The following PHKB variants were observed in gnomAD, a reference collection of about 807,000 sequenced individuals.
PHKB encodes phosphorylase b kinase regulatory subunit beta.
In PHKB, 122 loss-of-function variants were observed where a neutral mutation model predicts 152.1. The observed-to-expected ratio is 0.80, with a 90% CI of 0.69 to 0.93. The LOEUF is 0.93. Ranked by LOEUF, PHKB falls within the 40% of genes least tolerant of loss-of-function variation. PHKB has a pLI of 0.00. For missense variants in PHKB, 1,304 were observed against 1,328.4 expected, an observed-to-expected ratio of 0.98 and a Z score of 0.29; for synonymous variants, 436 against 464.9, an observed-to-expected ratio of 0.94 and a Z score of 0.80.
In PHKB at chr16:47,469,749, C is replaced by A. The variant is rs565698924; in HGVS notation, c.76+8323C>A. 1.9e-3 allele frequency among the ~76,000 whole-genome samples: 294 copies of A among 152,262 alleles called. 1 individual carries two copies. Among genetic ancestry groups the A allele is most frequent in the African/African-American group, 6.7e-3 (279 of 41,538 alleles). On this transcript the variant is annotated intron_variant, in intron 1 of 30. Coordinates refer to ENST00000323584, the MANE Select transcript of PHKB (RefSeq NM_000293.3). ...ACAAACTTGCACGTGTACCCCTAAA[C>A]CTAAAACAAAATTTGAAATTATTAG... is the stretch of plus-strand genomic sequence containing the variant.
intron 5 of PHKB, among the ~76,000 whole-genome samples, chr16:47,512,796 C>G (rs1359244122): frequency 6.6e-6 from 1 of 152,080 alleles, no homozygotes; most frequent in Non-Finnish European, 1.5e-5. Flanking sequence ...GGTTCTCTGT[C>G]TTTGGGACAG....
intron 13 of PHKB, among the ~76,000 whole-genome samples, chr16:47,606,928 A>C (rs1214447964): frequency 6.6e-6 from 1 of 152,218 alleles, no homozygotes; most frequent in Non-Finnish European, 1.5e-5. Flanking sequence ...AAAAGTTGCC[A>C]TAAGGAACTA....
chr16:47,565,060 G>A (rs566674055), intron 7 of PHKB: 20 of 439,686 alleles, frequency 4.5e-5, no homozygotes, highest in Admixed American at 3.7e-4. Flanking sequence ...GAAAGTAGGA[G>A]AAAGCACAGG....
chr16:47,558,083 A>G lies in PHKB; in HGVS notation c.710+10535A>G, dbSNP rs531533350. Among the ~76,000 whole-genome samples the G allele has an allele frequency of 2.4e-3, 361 of 151,404 alleles. 1 individual carries two copies. The highest frequency in any genetic ancestry group is 3.7e-3 in the Non-Finnish European group (252 of 67,808). On this transcript the variant is annotated intron_variant, in intron 7 of 30. Transcript: ENST00000323584. The stretch of plus-strand genomic sequence containing the variant: ...AAAATGATGAGTTCATGTCCTTTGT[A>G]GGGACATGGATGAAATTGGAAATCA...
At chr16:47,542,417 T>A (rs1011044353) in intron 6 of PHKB, among the ~76,000 whole-genome samples, 15 of 152,182 alleles carry the variant, frequency 9.9e-5, no homozygotes, top group Non-Finnish European at 2.2e-4. Context: ...GTAGTATAGT[T>A]TGAAGTCAGG....
chr16:47,587,640 G>A (rs1170731333), intron 8 of PHKB, 28 bp from the exon 9 acceptor site: 3 of 1,549,256 alleles, frequency 1.9e-6, no homozygotes, highest in African/African-American at 1.4e-5. Flanking sequence ...TCTTAATTTA[G>A]GAAATGTTTT....
At chr16:47,605,457 C>T (rs1972305316) in intron 13 of PHKB, among the ~76,000 whole-genome samples, 1 of 152,188 alleles carries the variant, frequency 6.6e-6, no homozygotes, top group Non-Finnish European at 1.5e-5. Flanking sequence ...CTTAATTTAT[C>T]TGTCACTATT....
Position 47,598,918 on chromosome 16 carries a change from G to A in PHKB, c.1363+2387G>A, listed in dbSNP as rs1431181361. 2.5e-6 allele frequency: 4 copies of A among 1,585,800 alleles called. No homozygotes were observed. In the African/African-American group the frequency reaches 4.0e-5, roughly 16 times the overall value. On this transcript the variant is annotated intron_variant, in intron 13 of 30. Coordinates refer to ENST00000323584, the MANE Select transcript of PHKB (RefSeq NM_000293.3). ...TTCCTCAAGAACGTCAAGAATCTTT[G>A]TGTACAATATTCTTAGCCTCTCATG...
At chr16:47,512,003 G>T (rs1424063999) in intron 5 of PHKB, among the ~76,000 whole-genome samples, 1 of 152,150 alleles carries the variant, frequency 6.6e-6, no homozygotes, top group Non-Finnish European at 1.5e-5. Context: ...AATAGGGTTT[G>T]CACTCCTCTG....
rs188245137 is a variant in PHKB at position 47,541,514 on chromosome 16, T to C, written c.595-5919T>C. ...TATAATCCTTTGGGAATATACCCAG[T>C]AATGGGATGGCTGGGTCAAATGGTA... On this transcript the variant is annotated intron_variant, in intron 6 of 30. Coordinates refer to ENST00000323584, the MANE Select transcript of PHKB (RefSeq NM_000293.3). 1.6e-3 allele frequency among the ~76,000 whole-genome samples: 247 copies of C among 152,370 alleles called. 1 individual carries two copies. Among genetic ancestry groups the C allele is most frequent in the African/African-American group, 5.7e-3 (238 of 41,592 alleles).
At chr16:47,666,781 C>A (rs1285858189) in intron 25 of PHKB, among the ~76,000 whole-genome samples, 1 of 152,218 alleles carries the variant, frequency 6.6e-6, no homozygotes, top group African/African-American at 2.4e-5. Flanking sequence ...TTGAGCCTTG[C>A]ATGTGGGGTG....
intron 7 of PHKB, among the ~76,000 whole-genome samples, chr16:47,552,800 A>AACACACACACACAC (rs61186489): frequency 1.4e-5 from 2 of 143,590 alleles, no homozygotes; most frequent in South Asian, 2.3e-4. Flanking sequence ...CCCCATCTCA[A>AACACACACACACAC]ACACACACAC....
At chr16:47,641,564 C>T (rs757464984) in intron 15 of PHKB, 35 bp from the exon 16 acceptor site, 2 of 1,079,408 alleles carry the variant, frequency 1.9e-6, no homozygotes, top group African/African-American at 3.1e-5. Context: ...AATGCATTGT[C>T]TTAAAACGTC....
intron 1 of PHKB, among the ~76,000 whole-genome samples, chr16:47,464,642 A>G (rs915527043): frequency 4.6e-5 from 7 of 152,342 alleles, no homozygotes; most frequent in Middle Eastern, 3.4e-3. Flanking sequence ...ATGGACCCAG[A>G]CATGATTACC....
intron 7 of PHKB, among the ~76,000 whole-genome samples, chr16:47,578,658 T>A (rs1009651642): frequency 1.3e-5 from 2 of 152,188 alleles, no homozygotes; most frequent in Non-Finnish European, 2.9e-5. Context: ...AGGTGTGACC[T>A]CTTGATTGGT....
At position 47,689,107 on chromosome 16, in the gene PHKB, G is replaced by A; in HGVS notation, c.2697G>A (p.Leu899=). Residue 899 remains leucine, a synonymous_variant, in exon 27 of 31, where the codon TTG becomes TTA. Transcript: ENST00000323584. The part of the protein sequence containing the change: ...IRGGDKPALD[L]YQLSPSEVKQ... ...GCGGAGACAAGCCAGCCTTGGACTT[G>A]TATCAGCTGTCACCTAGTGAAGTTA... 6.2e-7 allele frequency: 1 copy of A among 1,614,046 alleles called. No individual in the cohort carries two copies. The highest frequency in any genetic ancestry group is 1.1e-5 in the South Asian group (1 of 91,062).
intron 1 of PHKB, among the ~76,000 whole-genome samples, chr16:47,467,516 T>C (rs1490893199): frequency 6.6e-6 from 1 of 152,220 alleles, no homozygotes; most frequent in African/African-American, 2.4e-5. Flanking sequence ...GTCTCAGATA[T>C]GCACTGTGCT....
intron 1 of PHKB, among the ~76,000 whole-genome samples, chr16:47,471,408 A>T (rs1303897828): frequency 6.6e-6 from 1 of 152,226 alleles, no homozygotes; most frequent in Non-Finnish European, 1.5e-5. Context: ...AGGCTGGATT[A>T]GTATTTTATG....
At chr16:47,491,598 T>G (rs1970151507) in intron 1 of PHKB, among the ~76,000 whole-genome samples, 1 of 152,150 alleles carries the variant, frequency 6.6e-6, no homozygotes, top group Non-Finnish European at 1.5e-5. Flanking sequence ...GACATCACAC[T>G]CAACACATAT....
Sources: gnomAD v4.1 joint callset for allele counts (sites outside exome capture counted in the v4.1 genomes callset) on GRCh38, gnomAD v4.1.1 for gene constraint, MANE v1.5 for transcripts, NCBI Gene and HGNC (gene_info 2026-07-23, HGNC 2026-07-21) for gene names.